The following ACOT12 variants were observed in gnomAD, a reference collection of about 807,000 sequenced individuals.
ACOT12 encodes acetyl-coenzyme A thioesterase.
In ACOT12, 51 loss-of-function variants were observed where a neutral mutation model predicts 67.7. The observed-to-expected ratio is 0.75, with a 90% CI of 0.60 to 0.95. The LOEUF is 0.95. Ranked by LOEUF, ACOT12 falls within the 40% of genes least tolerant of loss-of-function variation. ACOT12 has a pLI of 0.00. For missense variants in ACOT12, 734 were observed against 708.1 expected (o/e 1.04, Z -0.41); for synonymous variants, 251 against 244.6 (o/e 1.03, Z -0.24).
At chr5:81,385,502 C>T (rs1182690882) in intron 2 of ACOT12, among the ~76,000 whole-genome samples, 1 of 152,048 alleles carries the variant, frequency 6.6e-6, no homozygotes, top group Non-Finnish European at 1.5e-5. Context: ...GGCTGTTATG[C>T]CTTATGCCAC....
chr5:81,379,878 A>C (rs887376980), intron 2 of ACOT12, among the ~76,000 whole-genome samples: 1 of 152,146 alleles, frequency 6.6e-6, no homozygotes, highest in African/African-American at 2.4e-5. Flanking sequence ...GGGATACAGC[A>C]TGAGCCAGTG....
At chr5:81,337,814 G>A (rs988355533) in intron 11 of ACOT12, among the ~76,000 whole-genome samples, 12 of 152,144 alleles carry the variant, frequency 7.9e-5, no homozygotes, top group African/African-American at 2.7e-4. Context: ...TGTTATAGCA[G>A]CCCTAGGAAA....
chr5:81,330,449 G>A lies in ACOT12; in HGVS notation c.1613C>T (p.Ser538Phe), dbSNP rs1758778196. 1 of 1,614,028 alleles carries A rather than the reference G, an allele frequency of 6.2e-7. No individual in the cohort carries two copies. The stretch of plus-strand genomic sequence containing the variant: ...AGGATTCTCTAAGAACTGTATACAA[G>A]AGGCTGCTGTTTCTTCAATGGATTT... ...WSKSIEETAA[S>F]CIQFLENPPD... Residue 538 changes from serine to phenylalanine, a missense_variant, in exon 15 of 15, where the codon TCT becomes TTT. Physicochemically the swap from Ser to Phe is radical, Grantham distance 155. Coordinates refer to ENST00000307624, the MANE Select transcript of ACOT12 (RefSeq NM_130767.3).
the ACOT12 span, among the ~76,000 whole-genome samples, chr5:81,313,919 G>A: frequency 6.6e-6 from 1 of 152,308 alleles, no homozygotes; most frequent in African/African-American, 2.4e-5. Context: ...AAGCCAGGCA[G>A]TTGGAAAAGG....
chr5:81,319,057 T>A, the ACOT12 span, among the ~76,000 whole-genome samples: 5 of 152,032 alleles, frequency 3.3e-5, no homozygotes. Flanking sequence ...AGAATGGGAA[T>A]AGGACAAGTT....
intron 1 of ACOT12, among the ~76,000 whole-genome samples, chr5:81,393,333 C>G (rs1760912335): frequency 1.3e-5 from 2 of 152,104 alleles, no homozygotes; most frequent in African/African-American, 2.4e-5. Context: ...TAGTCCATTT[C>G]TTTTTTAAAA....
chr5:81,350,242 T>C (rs903567699), intron 5 of ACOT12, among the ~76,000 whole-genome samples: 1 of 152,220 alleles, frequency 6.6e-6, no homozygotes, highest in African/African-American at 2.4e-5. Flanking sequence ...CCTTGTCTTA[T>C]CTGCTGTTTC....
chr5:81,374,331 G>C (rs765356956), intron 2 of ACOT12, among the ~76,000 whole-genome samples: 3 of 152,202 alleles, frequency 2.0e-5, no homozygotes, highest in Non-Finnish European at 4.4e-5. Context: ...GACCTCATCT[G>C]AAGGTCACCA....
intron 3 of ACOT12, among the ~76,000 whole-genome samples, chr5:81,366,759 C>G (rs1760093116): frequency 1.3e-5 from 2 of 151,930 alleles, no homozygotes; most frequent in South Asian, 4.1e-4. Flanking sequence ...AAATAAAAAA[C>G]AAACCAGATA....
At chr5:81,391,680 C>A (rs1168801876) in intron 1 of ACOT12, among the ~76,000 whole-genome samples, 1 of 151,912 alleles carries the variant, frequency 6.6e-6, no homozygotes, top group Admixed American at 6.6e-5. Flanking sequence ...GAGAGGAGAC[C>A]AGAACGAATG....
At chr5:81,381,475 T>C (rs1263964633) in intron 2 of ACOT12, among the ~76,000 whole-genome samples, 1 of 152,244 alleles carries the variant, frequency 6.6e-6, no homozygotes, top group Non-Finnish European at 1.5e-5. Flanking sequence ...ACTACATATT[T>C]TACAGTGTAT....
intron 11 of ACOT12, 53 bp downstream of exon 11, chr5:81,342,619 A>G (rs1387918747): frequency 1.3e-6 from 2 of 1,574,472 alleles, no homozygotes; most frequent in Non-Finnish European, 1.7e-6. Context: ...CCACCACCAC[A>G]GCTTTCGTTT....
chr5:81,361,077 CAAA>C (rs71000820), intron 4 of ACOT12, among the ~76,000 whole-genome samples: 2 of 52,628 alleles, frequency 3.8e-5, no homozygotes, highest in African/African-American at 8.3e-5. Context: ...GACTCCATCT[CAAA>C]AAAAAAAAAA....
chr5:81,337,413 G>GC (rs1385958999), intron 11 of ACOT12, among the ~76,000 whole-genome samples: 1 of 152,102 alleles, frequency 6.6e-6, no homozygotes, highest in East Asian at 1.9e-4. Context: ...ATATGCTGTA[G>GC]CCCCAACCTC....
intron 8 of ACOT12, 117 bp downstream of exon 8, chr5:81,344,774 A>G: frequency 1.5e-6 from 2 of 1,306,722 alleles, no homozygotes; most frequent in Non-Finnish European, 1.1e-6. Flanking sequence ...TGTGATGCTG[A>G]AAAGAGGGAA....
chr5:81,343,347 C>T (rs542011468), intron 10 of ACOT12, among the ~76,000 whole-genome samples: 19 of 152,266 alleles, frequency 1.2e-4, no homozygotes, highest in Non-Finnish European at 2.1e-4. Flanking sequence ...TTAACAACTG[C>T]GTATCATTTT....
the ACOT12 span, among the ~76,000 whole-genome samples, chr5:81,321,664 G>A: frequency 1.3e-5 from 2 of 152,084 alleles, no homozygotes; most frequent in Admixed American, 6.5e-5. Context: ...TGATAAAGTG[G>A]GCCAGGTGCA....
intron 3 of ACOT12, among the ~76,000 whole-genome samples, chr5:81,365,229 T>A (rs1442090993): frequency 6.6e-6 from 1 of 152,222 alleles, no homozygotes; most frequent in East Asian, 1.9e-4. Context: ...CAGCACTATG[T>A]TATCAACGAT....
chr5:81,344,496 A>G (rs1407479115), intron 8 of ACOT12, among the ~76,000 whole-genome samples: 1 of 152,232 alleles, frequency 6.6e-6, no homozygotes, highest in African/African-American at 2.4e-5. Flanking sequence ...TTCTCACTAC[A>G]GAGTTTTTAG....
Sources: gnomAD v4.1 joint callset for allele counts (sites outside exome capture counted in the v4.1 genomes callset) on GRCh38, gnomAD v4.1.1 for gene constraint, MANE v1.5 for transcripts, NCBI Gene and HGNC (gene_info 2026-07-23, HGNC 2026-07-21) for gene names.